FARP1: variants seen among roughly 807,000 people sequenced by gnomAD.
The protein encoded by FARP1 is FERM, ARH/RhoGEF and pleckstrin domain protein 1.
FARP1 carries 52 observed loss-of-function variants against 128.8 expected under a neutral mutation model. The ratio of observed to expected loss-of-function variants is 0.40; its 90% CI spans 0.32 to 0.51. FARP1 has a LOEUF of 0.51. FARP1 is among the 20% of genes least tolerant of loss of function. The pLI is 0.45. For synonymous variants in FARP1, 580 were observed against 551.8 expected, an observed-to-expected ratio of 1.05 and a Z score of -0.72; for missense variants, 1,333 against 1,367.9, an observed-to-expected ratio of 0.97 and a Z score of 0.40.
intron 2 of FARP1, among the ~76,000 whole-genome samples, chr13:98,271,778 T>C (rs1190130396): frequency 4.6e-5 from 7 of 152,234 alleles, no homozygotes; most frequent in Non-Finnish European, 1.0e-4. Context: ...TTATGGTGTA[T>C]ATGTGCCACA....
At chr13:98,319,663 C>T (rs1297828676) in intron 2 of FARP1, among the ~76,000 whole-genome samples, 1 of 152,168 alleles carries the variant, frequency 6.6e-6, no homozygotes, top group African/African-American at 2.4e-5. Context: ...CTCTTCTTCC[C>T]CTTCATAAAT....
chr13:98,405,385 A>G (rs1566296759), intron 13 of FARP1: 1 of 152,330 alleles, frequency 6.6e-6, no homozygotes, highest in South Asian at 2.1e-4. Context: ...GTGCCATGAG[A>G]ATGTGTACAT....
intron 2 of FARP1, among the ~76,000 whole-genome samples, chr13:98,251,705 A>T (rs1489856621): frequency 6.6e-6 from 1 of 151,996 alleles, no homozygotes; most frequent in East Asian, 1.9e-4. Flanking sequence ...AAGAAAAAAA[A>T]GTCCCCATTA....
rs116577220 is a variant in FARP1 at position 98,164,575 on chromosome 13, G to C, written c.-24+21083G>C. ...TTTGTATGCATCTTTACCTACTGCT[G>C]TGAACCCAATGAGAGGTGTCTTTCA... is the stretch of plus-strand genomic sequence containing the variant. On this transcript the variant is annotated intron_variant, in intron 1 of 26. Transcript: ENST00000319562. Among the ~76,000 whole-genome samples, 1,273 of 152,308 alleles carry C rather than the reference G, an allele frequency of 8.4e-3. 18 individuals are homozygous for C. The highest frequency in any genetic ancestry group is 0.029 in the African/African-American group (1,212 of 41,560).
At chr13:98,191,623 A>G (rs1175428404) in intron 1 of FARP1, among the ~76,000 whole-genome samples, 2 of 152,134 alleles carry the variant, frequency 1.3e-5, no homozygotes, top group Non-Finnish European at 2.9e-5. Flanking sequence ...CCTTCCTGTA[A>G]TATAGCAATA....
intron 16 of FARP1, among the ~76,000 whole-genome samples, chr13:98,419,179 A>G (rs1891497683): frequency 6.6e-6 from 1 of 152,156 alleles, no homozygotes; most frequent in South Asian, 2.1e-4. Flanking sequence ...CATATGTCAT[A>G]CACAATATGT....
intron 2 of FARP1, among the ~76,000 whole-genome samples, chr13:98,271,535 AT>A (rs1387663755): frequency 6.6e-6 from 1 of 152,066 alleles, no homozygotes; most frequent in Non-Finnish European, 1.5e-5. Flanking sequence ...TGCATTAGGT[AT>A]TTGTCCTAAT....
At chr13:98,282,959 A>T (rs897193809) in intron 2 of FARP1, among the ~76,000 whole-genome samples, 13 of 151,990 alleles carry the variant, frequency 8.6e-5, no homozygotes, top group Non-Finnish European at 1.9e-4. Context: ...CAAATGCTTT[A>T]TTTTTTTTGA....
chr13:98,176,608 C>T lies in FARP1; in HGVS notation c.-24+33116C>T. On this transcript the variant is annotated intron_variant, in intron 1 of 26. Coordinates refer to ENST00000319562, the MANE Select transcript of FARP1 (RefSeq NM_005766.4). This position sits in a 1 kb window ranked among gnomAD's most constrained non-coding sequence, Gnocchi z 6.2. The stretch of plus-strand genomic sequence containing the variant: ...GGAACGGTCGTGGAGGAATTTGCAG[C>T]TGTCCCCGAAGCCACAGAAGCCAGT... 6.2e-7 allele frequency: 1 copy of T among 1,614,240 alleles called. No individual in the cohort carries two copies. Among genetic ancestry groups the T allele is most frequent in the Non-Finnish European group, 8.5e-7 (1 of 1,180,042 alleles).
chr13:98,226,051 G>T (rs1261176904), intron 2 of FARP1, among the ~76,000 whole-genome samples: 1 of 152,182 alleles, frequency 6.6e-6, no homozygotes, highest in Admixed American at 6.5e-5. Flanking sequence ...GTTGACATTT[G>T]TTGAATTATG....
intron 2 of FARP1, among the ~76,000 whole-genome samples, chr13:98,269,262 C>G (rs2139573575): frequency 6.6e-6 from 1 of 152,260 alleles, no homozygotes; most frequent in Admixed American, 6.5e-5. Flanking sequence ...AGGTGAATGT[C>G]ATGAGCTGCT....
intron 2 of FARP1, among the ~76,000 whole-genome samples, chr13:98,246,148 G>A (rs1883044591): frequency 8.4e-6 from 1 of 118,706 alleles, no homozygotes; most frequent in Non-Finnish European, 1.6e-5. Flanking sequence ...AGGCTGGAGT[G>A]CAGTGGCGCA....
At position 98,448,299 on chromosome 13, in the gene FARP1, A is replaced by C; in HGVS notation, c.3120A>C (p.Lys1040Asn). 1.9e-6 allele frequency: 3 copies of C among 1,613,522 alleles called. No homozygotes were observed. Among genetic ancestry groups the C allele is most frequent in the South Asian group, 1.1e-5 (1 of 91,064 alleles). ...CGCGACCCCACGTGTTGAGTCACAA[A>C]GAGTCTCTTGTGTATTGATGGCCGG... is the stretch of plus-strand genomic sequence containing the variant. ...SASRPHVLSH[K>N]ESLVY The change falls in exon 27 of 27, where the codon AAA (lysine) becomes AAC (asparagine). Residue 1040 changes from lysine (K) to asparagine (N), a missense_variant. Physicochemically the swap from Lys to Asn is moderately conservative, Grantham distance 94 (BLOSUM62 0). This residue lies in a region of FARP1 where 1,009 missense variants were observed against 969.8 expected (regional missense o/e 1.04). Coordinates refer to ENST00000319562, the MANE Select transcript of FARP1 (RefSeq NM_005766.4).
At chr13:98,337,210 T>C (rs1297917297) in intron 2 of FARP1, among the ~76,000 whole-genome samples, 4 of 152,094 alleles carry the variant, frequency 2.6e-5, no homozygotes, top group Middle Eastern at 3.4e-3. Context: ...CTACTAAAAA[T>C]AAAAATAAAA....
chr13:98,453,142 G>A lies in FARP1; in HGVS notation c.*4825G>A, dbSNP rs1390674908. 1.2e-6 allele frequency: 2 copies of A among 1,612,866 alleles called. No homozygotes were observed. The highest frequency in any genetic ancestry group is 1.7e-6 in the Non-Finnish European group (2 of 1,179,434). On this transcript the variant is annotated 3_prime_UTR_variant, in exon 27 of 27. Transcript: ENST00000319562. ...GGAGGAGGATGAAGAAGGAAAAAAG[G>A]AAAAACAAAACCCCAAATGCCAAAG...
intron 2 of FARP1, among the ~76,000 whole-genome samples, chr13:98,235,302 G>A (rs1882350256): frequency 2.0e-5 from 3 of 152,146 alleles, no homozygotes; most frequent in South Asian, 4.2e-4. Context: ...CCAGGGAATC[G>A]AGGGTAATAT....
At chr13:98,371,218 G>GTTT (rs33975048) in intron 5 of FARP1, among the ~76,000 whole-genome samples, 31 of 124,706 alleles carry the variant, frequency 2.5e-4, no homozygotes, top group Middle Eastern at 7.9e-3. Flanking sequence ...CCCGCCCCCC[G>GTTT]TTTTTTTTTT....
chr13:98,304,211 C>A (rs182409472), intron 2 of FARP1, among the ~76,000 whole-genome samples: 1 of 152,168 alleles, frequency 6.6e-6, no homozygotes, highest in East Asian at 1.9e-4. Flanking sequence ...GCTGCTCTGC[C>A]AGACCTGCAT....
At chr13:98,188,929 A>G (rs1247817842) in intron 1 of FARP1, among the ~76,000 whole-genome samples, 2 of 152,222 alleles carry the variant, frequency 1.3e-5, no homozygotes, top group African/African-American at 4.8e-5. Context: ...CCCTGGACCC[A>G]GGATGTTTCT....
Sources: allele counts gnomAD v4.1 joint callset (sites outside exome capture counted in the v4.1 genomes callset), GRCh38; gene constraint gnomAD v4.1.1; regional missense constraint gnomAD v4.1.1; non-coding constraint Gnocchi (gnomAD v3.1); transcripts MANE v1.5; gene names NCBI Gene and HGNC (gene_info 2026-07-23, HGNC 2026-07-21).